CEP192: variants seen among roughly 807,000 people sequenced by gnomAD.
The protein encoded by CEP192 is centrosomal protein of 192 kDa.
A neutral mutation model predicts 271.8 loss-of-function variants in CEP192; 151 were observed. The ratio of observed to expected loss-of-function variants is 0.56; its 90% CI spans 0.49 to 0.64. CEP192 has a LOEUF of 0.64. CEP192 is among the 30% of genes least tolerant of loss of function. The probability of loss-of-function intolerance (pLI) is 0.00; values close to 1 mark genes in which losing one functional copy is unlikely to be tolerated. For missense variants in CEP192, 2,910 were observed against 3,020.5 expected, an observed-to-expected ratio of 0.96 and a Z score of 0.86; for synonymous variants, 995 against 1,076.5, an observed-to-expected ratio of 0.92 and a Z score of 1.48.
At position 13,029,758 on chromosome 18, in the gene CEP192, T is replaced by C; in HGVS notation, c.1146T>C (p.Gly382=). 6.4e-7 allele frequency: 1 copy of C among 1,551,496 alleles called. No individual in the cohort carries two copies. Among genetic ancestry groups the C allele is most frequent in the Non-Finnish European group, 8.7e-7 (1 of 1,146,908 alleles). ...TTCATGATGCAAATGCCAATAGAGG[T>C]GGTTTTGATCTGACTGACCCTGTAA... is the stretch of plus-strand genomic sequence containing the variant. ...DNFHDANANR[G]GFDLTDPVKQ... is the part of the protein sequence containing the mutation. The change falls in exon 10 of 45, where the codon GGT becomes GGC. Residue 382 remains glycine, a synonymous_variant. Transcript: ENST00000506447.
intron 21 of CEP192, among the ~76,000 whole-genome samples, chr18:13,063,297 TCTC>T (rs2037508271): frequency 6.6e-6 from 1 of 152,230 alleles, no homozygotes; most frequent in Non-Finnish European, 1.5e-5. Flanking sequence ...TCCAAACTGT[TCTC>T]CATAGTGGTT....
At chr18:13,031,452 T>G (rs1380767307) in intron 11 of CEP192, among the ~76,000 whole-genome samples, 1 of 152,000 alleles carries the variant, frequency 6.6e-6, no homozygotes, top group Non-Finnish European at 1.5e-5. Flanking sequence ...TTTCACCGTT[T>G]TAGCCGGGAT....
chr18:13,095,811 C>T (rs1421311472), intron 35 of CEP192, 130 bp downstream of exon 35: 3 of 810,780 alleles, frequency 3.7e-6, no homozygotes, highest in Non-Finnish European at 5.7e-6. Context: ...CCAGGCCCTG[C>T]TTCCACTGTT....
At chr18:13,063,173 G>A (rs1382855359) in intron 21 of CEP192, among the ~76,000 whole-genome samples, 1 of 152,164 alleles carries the variant, frequency 6.6e-6, no homozygotes, top group Admixed American at 6.5e-5. Flanking sequence ...GTTGTAAACA[G>A]TGCTGCAATA....
intron 36 of CEP192, among the ~76,000 whole-genome samples, chr18:13,097,093 C>T (rs932223929): frequency 3.3e-5 from 5 of 152,292 alleles, no homozygotes; most frequent in Middle Eastern, 3.4e-3. Context: ...GAGGCATGGT[C>T]AGGGACACTC....
intron 11 of CEP192, among the ~76,000 whole-genome samples, chr18:13,035,451 C>G (rs1269333083): frequency 6.6e-6 from 1 of 152,158 alleles, no homozygotes; most frequent in East Asian, 1.9e-4. Flanking sequence ...AAGTGGAAAC[C>G]TCTGATAAAC....
intron 18 of CEP192, 105 bp from the exon 19 acceptor site, chr18:13,055,675 C>T (rs1233676146): frequency 2.8e-6 from 2 of 720,718 alleles, no homozygotes; most frequent in Non-Finnish European, 4.3e-6. Context: ...TTCAAAGAGA[C>T]ACCTCATGCA....
chr18:13,058,151 A>G (rs1017255523), intron 20 of CEP192: 6 of 152,364 alleles, frequency 3.9e-5, no homozygotes, highest in African/African-American at 1.4e-4. Flanking sequence ...CTTTTTAACT[A>G]GTTTATCTGA....
intron 15 of CEP192, among the ~76,000 whole-genome samples, chr18:13,046,989 T>A (rs1372835295): frequency 6.6e-6 from 1 of 152,208 alleles, no homozygotes; most frequent in Non-Finnish European, 1.5e-5. Flanking sequence ...TTTCATGTCA[T>A]TTCATTTTAA....
intron 12 of CEP192, among the ~76,000 whole-genome samples, chr18:13,037,775 G>T (rs978653738): frequency 2.0e-5 from 3 of 152,012 alleles, no homozygotes; most frequent in African/African-American, 7.2e-5. Flanking sequence ...GACTTGTCTG[G>T]AACTCCTGGG....
intron 40 of CEP192, among the ~76,000 whole-genome samples, chr18:13,108,909 A>T (rs564602180): frequency 7.9e-5 from 12 of 152,226 alleles, no homozygotes; most frequent in African/African-American, 2.9e-4. Context: ...AAAACAATAG[A>T]TGCTAGCAAG....
chr18:13,079,983 C>G (rs1307982921), intron 30 of CEP192, among the ~76,000 whole-genome samples: 1 of 152,118 alleles, frequency 6.6e-6, no homozygotes, highest in Non-Finnish European at 1.5e-5. Context: ...CTGTTCTGTT[C>G]CACTGGTCTG....
chr18:13,001,351 T>A (rs1009794654), intron 2 of CEP192, 106 bp from the exon 3 acceptor site: 5 of 718,626 alleles, frequency 7.0e-6, no homozygotes, highest in Non-Finnish European at 6.7e-6. Context: ...CCCTATTTGT[T>A]TTTACCCCGG....
chr18:13,092,442 C>T lies in CEP192; in HGVS notation c.6169C>T (p.Leu2057Phe), dbSNP rs2039191217. 6.2e-7 allele frequency: 1 copy of T among 1,605,190 alleles called. No individual in the cohort carries two copies. Among genetic ancestry groups the T allele is most frequent in the African/African-American group, 1.3e-5 (1 of 74,696 alleles). ...LFYGSMCKII[L>F]SVIGEFRDCI... ...TTATGGAAGCATGTGTAAAATTATA[C>T]TTTCAGTAATTGGAGAATTCAGAGA... is the stretch of plus-strand genomic sequence containing the variant. The change falls in exon 34 of 45, where the codon CTT becomes TTT. Residue 2057 changes from leucine (L) to phenylalanine (F), a missense_variant. Leu to Phe is a conservative substitution (Grantham distance 22). Transcript: ENST00000506447.
chr18:13,049,949 G>A (rs1598449750), intron 17 of CEP192, 58 bp downstream of exon 17: 8 of 1,339,602 alleles, frequency 6.0e-6, no homozygotes, highest in South Asian at 4.1e-5. Flanking sequence ...TAGGAACTGG[G>A]AAAAAAATGT....
At chr18:13,039,580 T>C (rs1339189890) in intron 13 of CEP192, among the ~76,000 whole-genome samples, 1 of 151,928 alleles carries the variant, frequency 6.6e-6, no homozygotes, top group Non-Finnish European at 1.5e-5. Context: ...ATTGGAGGAA[T>C]GGAAAGCAGG....
In CEP192 at chr18:13,085,121, G is replaced by A. The variant is rs142270758; in HGVS notation, c.5617-1896G>A. On this transcript the variant is annotated intron_variant, in intron 30 of 44. Coordinates refer to ENST00000506447, the MANE Select transcript of CEP192 (RefSeq NM_032142.4). ...ATTACAGGTGTGAGCCACCGTGCCT[G>A]GTCGATTTGCATTTCTCTAATAACC... 1.4e-4 allele frequency among the ~76,000 whole-genome samples: 21 copies of A among 152,054 alleles called. No individual in the cohort carries two copies. The East Asian group carries it at 4.1e-3, about 29-fold the overall frequency.
intron 39 of CEP192, 110 bp from the exon 40 acceptor site, chr18:13,104,874 A>G (rs2039879118): frequency 3.7e-6 from 3 of 811,926 alleles, no homozygotes; most frequent in Non-Finnish European, 4.1e-6. Context: ...CTTTTTGTCC[A>G]CTGCTAAGTG....
chr18:13,109,524 A>G (rs760579733), intron 40 of CEP192, among the ~76,000 whole-genome samples: 64 of 152,158 alleles, frequency 4.2e-4, no homozygotes, highest in Non-Finnish European at 7.3e-5. Flanking sequence ...GTACCCCCTG[A>G]ATCTAAAATA....
Sources: allele counts gnomAD v4.1 joint callset (sites outside exome capture counted in the v4.1 genomes callset), GRCh38; gene constraint gnomAD v4.1.1; transcripts MANE v1.5; gene names NCBI Gene and HGNC (gene_info 2026-07-23, HGNC 2026-07-21).